The following GPATCH1 variants were observed in gnomAD, a reference collection of about 807,000 sequenced individuals.
The protein encoded by GPATCH1 is G-patch domain containing 1.
Under a neutral mutation model 114.9 loss-of-function variants are expected in GPATCH1, and 73 were observed. That is an observed-to-expected ratio of 0.64 (90% CI 0.53 to 0.77). The LOEUF is 0.77. Ranked by LOEUF, GPATCH1 falls within the 30% of genes least tolerant of loss-of-function variation. GPATCH1 has a pLI of 0.00. For missense variants in GPATCH1, 1,058 were observed against 1,144.3 expected, an observed-to-expected ratio of 0.92 and a Z score of 1.09; for synonymous variants, 391 against 428.4, an observed-to-expected ratio of 0.91 and a Z score of 1.08.
intron 15 of GPATCH1, among the ~76,000 whole-genome samples, chr19:33,115,078 T>A (rs1407896360): frequency 1.3e-5 from 2 of 149,934 alleles, no homozygotes; most frequent in African/African-American, 4.9e-5. Context: ...TTTTTTTTTC[T>A]CTGACACCGG....
At position 33,125,129 on chromosome 19, in the gene GPATCH1, C is replaced by A; in HGVS notation, c.2546C>A (p.Pro849His). Residue 849 changes from proline (P) to histidine (H), a missense_variant, in exon 18 of 20, where the codon CCT becomes CAT. Transcript: ENST00000170564. ...GATGCTCGTCAGACACTTGAGGTTC[C>A]TCAAAAAGAGAAACATAAAAAGAAC... ...CPNARQTLEV[P>H]QKEKHKKNKD... The A allele has an allele frequency of 6.2e-7, 1 of 1,601,016 alleles. No homozygotes were observed. The highest frequency in any genetic ancestry group is 8.5e-7 in the Non-Finnish European group (1 of 1,173,564).
In GPATCH1 at chr19:33,114,373, TA is replaced by T; in HGVS notation, c.2151del (p.Val718Ter). ...AEPPKQQSSP[L>X]VNKEEEHAPE... ...CCACCTAAACAACAGTCCAGCCCCTTAGTAAACAAAGAGGAAGAGCATGCAC... is the reference window on the plus strand; with the variant it reads ...CCACCTAAACAACAGTCCAGCCCCTTGTAAACAAAGAGGAAGAGCATGCAC... On this transcript the variant is annotated frameshift_variant, in exon 15 of 20. Coordinates refer to ENST00000170564, the MANE Select transcript of GPATCH1 (RefSeq NM_018025.3). LOFTEE classifies it high-confidence loss of function. The T allele has an allele frequency of 6.2e-7, 1 of 1,608,504 alleles. No homozygotes were observed. Among genetic ancestry groups the T allele is most frequent in the Non-Finnish European group, 8.5e-7 (1 of 1,178,560 alleles).
At chr19:33,085,574 G>C (rs1249510269) in intron 1 of GPATCH1, among the ~76,000 whole-genome samples, 1 of 152,158 alleles carries the variant, frequency 6.6e-6, no homozygotes, top group East Asian at 1.9e-4. Flanking sequence ...ATTTTGGTCA[G>C]GGAATGAGAG....
chr19:33,120,654 G>A (rs1472927919), intron 17 of GPATCH1, among the ~76,000 whole-genome samples: 4 of 151,408 alleles, frequency 2.6e-5, no homozygotes, highest in African/African-American at 4.9e-5. Flanking sequence ...CCAGTAGTCC[G>A]AGACAAGCCC....
intron 8 of GPATCH1, among the ~76,000 whole-genome samples, chr19:33,100,586 C>CAAAAAAAAAAAAAAAAAAAAAAAA (rs10609716): frequency 1.6e-5 from 1 of 62,198 alleles, no homozygotes. Flanking sequence ...GACTCCATCT[C>CAAAAAAAAAAAAAAAAAAAAAAAA]AAAAAAAAAA....
At chr19:33,121,161 C>T (rs1972979498) in intron 17 of GPATCH1, among the ~76,000 whole-genome samples, 2 of 151,494 alleles carry the variant, frequency 1.3e-5, no homozygotes. Flanking sequence ...CACTCTGTCA[C>T]CTAGGCTGGA....
chr19:33,117,293 G>A (rs966751229), intron 15 of GPATCH1, among the ~76,000 whole-genome samples: 7 of 152,042 alleles, frequency 4.6e-5, no homozygotes, highest in African/African-American at 9.7e-5. Context: ...GGATTTTAGC[G>A]GTTTGATTAT....
intron 19 of GPATCH1, among the ~76,000 whole-genome samples, chr19:33,129,446 CT>C (rs986236288): frequency 6.6e-6 from 1 of 151,266 alleles, no homozygotes; most frequent in Non-Finnish European, 1.5e-5. Flanking sequence ...AACTTGGATG[CT>C]TTGGGCCCTG....
intron 10 of GPATCH1, among the ~76,000 whole-genome samples, chr19:33,108,763 G>A (rs1243728746): frequency 6.6e-6 from 1 of 152,098 alleles, no homozygotes; most frequent in Admixed American, 6.6e-5. Flanking sequence ...ACTCATGAGT[G>A]TTTGTCCCAT....
intron 7 of GPATCH1, among the ~76,000 whole-genome samples, chr19:33,097,196 G>A (rs1022450115): frequency 3.9e-5 from 6 of 152,032 alleles, no homozygotes; most frequent in East Asian, 1.9e-4. Context: ...CACCCGCCTC[G>A]GCCTCCCAAA....
At chr19:33,094,693 C>T (rs754036576) in intron 5 of GPATCH1, among the ~76,000 whole-genome samples, 1 of 152,156 alleles carries the variant, frequency 6.6e-6, no homozygotes, top group Non-Finnish European at 1.5e-5. Context: ...CTACCCTCCC[C>T]CAAGCTGTCA....
chr19:33,093,145 A>G (rs939238170), intron 3 of GPATCH1, among the ~76,000 whole-genome samples: 2 of 152,124 alleles, frequency 1.3e-5, no homozygotes, highest in African/African-American at 2.4e-5. Flanking sequence ...CCCAGATTGC[A>G]CCACTGCACT....
chr19:33,088,090 CCT>C lies in GPATCH1; in HGVS notation c.74-39_74-38del, dbSNP rs530241963. The stretch of plus-strand genomic sequence containing the variant: ...TTCCCTAAATTTGAACCGACCATCT[CCT>C]CTCTTTTTCATTTAAAAAACTTTTT... On this transcript the variant is annotated intron_variant, in intron 1 of 19. Transcript: ENST00000170564. 1.8e-4 allele frequency: 221 copies of C among 1,227,786 alleles called. No homozygotes were observed. In the African/African-American group the frequency reaches 3.0e-3, roughly 17 times the overall value. 76.1% of individuals were successfully genotyped at this position (1,227,786 alleles called of 1,614,324 possible).
rs1972585609 is a variant in GPATCH1, at chr19:33,090,787, A to T, written c.216A>T (p.Thr72=). 2 of 1,608,200 alleles carry T rather than the reference A, an allele frequency of 1.2e-6. No homozygotes were observed. Among genetic ancestry groups the T allele is most frequent in the Non-Finnish European group, 8.5e-7 (1 of 1,174,836 alleles). Residue 72 remains threonine (T), a synonymous_variant, in exon 3 of 20, where the codon ACA becomes ACT. Coordinates refer to ENST00000170564, the MANE Select transcript of GPATCH1 (RefSeq NM_018025.3). ...AAACTCTTTTTTTTTCAGGATGGAC[A>T]CCCTCTACCTTTGTGTCTTCACGAC... The part of the protein sequence containing the change: ...FNTVGSKEGW[T]PSTFVSSRQN...
At position 33,084,136 on chromosome 19, in the gene GPATCH1, A is replaced by G. The variant is rs538550784; in HGVS notation, c.73+2870A>G. 5.2e-4 allele frequency among the ~76,000 whole-genome samples: 79 copies of G among 152,282 alleles called. 2 individuals carry two copies. In the South Asian group the frequency reaches 0.016, roughly 30 times the overall value. ...GTTTTCTAAGCACTTTGAAATTTAAATGCACTCTGTCTGTATTTTACGATA... is the reference window on the plus strand; with the variant it reads ...GTTTTCTAAGCACTTTGAAATTTAAGTGCACTCTGTCTGTATTTTACGATA... On this transcript the variant is annotated intron_variant, in intron 1 of 19. Transcript: ENST00000170564.
chr19:33,083,448 G>T (rs1165781639), intron 1 of GPATCH1, among the ~76,000 whole-genome samples: 4 of 149,284 alleles, frequency 2.7e-5, no homozygotes, highest in Non-Finnish European at 5.9e-5. Flanking sequence ...AGGCTGGAGT[G>T]CAGTGGCGCG....
At chr19:33,108,510 C>CT (rs953415929) in intron 10 of GPATCH1, among the ~76,000 whole-genome samples, 35 of 146,396 alleles carry the variant, frequency 2.4e-4, no homozygotes, top group East Asian at 7.9e-4. Flanking sequence ...GAATCTGGCT[C>CT]TTTTTTTTTT....
At chr19:33,109,534 G>A (rs1197108147) in intron 10 of GPATCH1, among the ~76,000 whole-genome samples, 183 bp from the exon 11 acceptor site, 1 of 151,884 alleles carries the variant, frequency 6.6e-6, no homozygotes, top group African/African-American at 2.4e-5. Flanking sequence ...ATAATAAGAA[G>A]AAGAATCTCA....
chr19:33,098,304 A>G (rs929906467), intron 8 of GPATCH1, among the ~76,000 whole-genome samples: 1 of 152,220 alleles, frequency 6.6e-6, no homozygotes, highest in Non-Finnish European at 1.5e-5. Flanking sequence ...AGGCAGGTAC[A>G]CCAACAGCCT....
Sources: gnomAD v4.1 joint callset for allele counts (sites outside exome capture counted in the v4.1 genomes callset) on GRCh38, gnomAD v4.1.1 for gene constraint, MANE v1.5 for transcripts, NCBI Gene and HGNC (gene_info 2026-07-23, HGNC 2026-07-21) for gene names.